Variants in MTRFR observed in about 807,000 individuals in gnomAD.
The protein encoded by MTRFR is mitochondrial translation release factor in rescue.
MTRFR carries 10 observed loss-of-function variants against 11.9 expected under a neutral mutation model. The observed-to-expected ratio is 0.84, with a 90% CI of 0.52 to 1.42. MTRFR has a LOEUF of 1.42. Among genes scored for constraint, MTRFR ranks in the 40% most tolerant of loss-of-function variants. MTRFR has a pLI of 0.00. For synonymous variants in MTRFR, 77 were observed against 79.1 expected (o/e 0.97, Z 0.14); for missense variants, 196 against 197.9 (o/e 0.99, Z 0.06).
At chr12:123,238,834 A>G (rs1344769057) in intron 1 of MTRFR, among the ~76,000 whole-genome samples, 1 of 152,090 alleles carries the variant, frequency 6.6e-6, no homozygotes, top group Non-Finnish European at 1.5e-5. Flanking sequence ...TGTGGACCAC[A>G]CTTTGGGTAG....
chr12:123,244,824 G>A (rs1238907195), intron 1 of MTRFR, among the ~76,000 whole-genome samples: 1 of 151,420 alleles, frequency 6.6e-6, no homozygotes, highest in African/African-American at 2.4e-5. Flanking sequence ...GTAGAGATGG[G>A]GTTTCACCAT....
chr12:123,234,837 G>T (rs1421339550), intron 1 of MTRFR, among the ~76,000 whole-genome samples: 1 of 152,178 alleles, frequency 6.6e-6, no homozygotes, highest in African/African-American at 2.4e-5. Flanking sequence ...AACCTGCTGG[G>T]AAGTCAGGCT....
chr12:123,249,857 A>G (rs2048092615), intron 1 of MTRFR: 1 of 152,258 alleles, frequency 6.6e-6, no homozygotes, highest in Non-Finnish European at 1.5e-5. Flanking sequence ...ATATGCCTAG[A>G]TGAAGATCTT....
chr12:123,253,247 C>A (rs1456920139), intron 1 of MTRFR: 1 of 242,330 alleles, frequency 4.1e-6, no homozygotes, highest in Non-Finnish European at 8.2e-6. Context: ...ATCATCTTGG[C>A]CAGGCTGGTC....
chr12:123,253,107 T>TTTG (rs766114484), intron 1 of MTRFR, among the ~76,000 whole-genome samples: 2,994 of 63,260 alleles, frequency 0.047, 1,078 homozygotes, highest in East Asian at 0.11. Flanking sequence ...TTTTTTTTTT[T>TTTG]GAGACACTGT....
intron 1 of MTRFR, among the ~76,000 whole-genome samples, chr12:123,247,085 T>C (rs2048053486): frequency 1.3e-5 from 2 of 152,184 alleles, no homozygotes; most frequent in East Asian, 3.9e-4. Flanking sequence ...ATATGATCTC[T>C]CTTGGAGAAA....
intron 1 of MTRFR, chr12:123,248,536 C>T (rs2048071823): frequency 6.6e-6 from 1 of 152,556 alleles, no homozygotes; most frequent in Non-Finnish European, 1.5e-5. Flanking sequence ...TTCAGATGTT[C>T]AGATGCATCC....
rs1157677577 is a variant in MTRFR at position 123,246,709 on chromosome 12, A to ATTTTTTTTTTTT, written c.-28-6910_-28-6899dup. On this transcript the variant is annotated intron_variant, in intron 1 of 2. Coordinates refer to ENST00000253233, the MANE Select transcript of MTRFR (RefSeq NM_152269.5). ...TGAGAGAGTGCTTGATATAATTTCAATTTTTTTTTTTTTTTTTTTTTTTTT... is the reference window on the plus strand; with the variant it reads ...TGAGAGAGTGCTTGATATAATTTCAATTTTTTTTTTTTTTTTTTTTTTTTTTTTTTTTTTTTT... 5.6e-5 allele frequency among the ~76,000 whole-genome samples: 3 copies of ATTTTTTTTTTTT among 53,516 alleles called. 1 individual carries two copies. Among genetic ancestry groups the ATTTTTTTTTTTT allele is most frequent in the African/African-American group, 2.8e-4 (3 of 10,668 alleles). The allele number at this position is 53,516 out of a possible 152,430, so 35.1% of individuals were successfully genotyped here.
upstream of MTRFR, chr12:123,233,182 C>T (rs1436016308): frequency 6.6e-6 from 1 of 152,070 alleles, no homozygotes; most frequent in Admixed American, 6.6e-5. Flanking sequence ...ATTGGCTGCC[C>T]GGAAGGAGGC....
At chr12:123,240,227 A>T (rs1249350052) in intron 1 of MTRFR, among the ~76,000 whole-genome samples, 6 of 124,720 alleles carry the variant, frequency 4.8e-5, no homozygotes, top group South Asian at 2.7e-4. Flanking sequence ...AAAAAAAAAA[A>T]GCTGGACGTG....
intron 1 of MTRFR, chr12:123,248,332 T>TCCTA (rs1167648645): frequency 6.6e-6 from 1 of 152,314 alleles, no homozygotes; most frequent in East Asian, 1.9e-4. Context: ...CTGAGAAATC[T>TCCTA]GCTGTTAATC....
chr12:123,257,866 C>G lies in MTRFR; in HGVS notation c.*835C>G, dbSNP rs1177591285. The G allele has an allele frequency of 6.6e-6, 1 of 152,040 alleles. No homozygotes were observed. Among genetic ancestry groups the G allele is most frequent in the Non-Finnish European group, 1.5e-5 (1 of 68,002 alleles). 9.4% of individuals were successfully genotyped at this position (152,040 alleles called of 1,614,324 possible). A position where few individuals can be genotyped will look rare whatever the true frequency, so the allele number is the denominator to read the frequency against. On this transcript the variant is annotated 3_prime_UTR_variant, in exon 3 of 3. Coordinates refer to ENST00000253233, the MANE Select transcript of MTRFR (RefSeq NM_152269.5). ...CCTGGGTGGTAGTTAGAAGGGTGTCCCCGTATTTCAAATTGTACCTTTGTG... is the reference window on the plus strand; with the variant it reads ...CCTGGGTGGTAGTTAGAAGGGTGTCGCCGTATTTCAAATTGTACCTTTGTG...
chr12:123,236,089 A>G (rs920163551), intron 1 of MTRFR, among the ~76,000 whole-genome samples: 1 of 152,008 alleles, frequency 6.6e-6, no homozygotes, highest in African/African-American at 2.4e-5. Context: ...AAAAACTTAA[A>G]ACAGAAAAAG....
At chr12:123,244,959 T>C (rs1229830428) in intron 1 of MTRFR, among the ~76,000 whole-genome samples, 16 of 96,326 alleles carry the variant, frequency 1.7e-4, no homozygotes, top group African/African-American at 4.6e-4. Flanking sequence ...TTTTTTTTTT[T>C]TAGACAGAGT....
intron 1 of MTRFR, among the ~76,000 whole-genome samples, chr12:123,243,235 AT>A (rs35389455): frequency 1.5e-3 from 229 of 147,802 alleles, no homozygotes; most frequent in African/African-American, 3.5e-3. Flanking sequence ...TTTTAAAACA[AT>A]TTTTTTTTTT....
chr12:123,249,993 T>G (rs1653922246), intron 1 of MTRFR: 1 of 152,238 alleles, frequency 6.6e-6, no homozygotes, highest in Admixed American at 6.5e-5. Context: ...TAGATTTCTC[T>G]TCTTCCTCAG....
chr12:123,235,474 C>A (rs1027502418), intron 1 of MTRFR, among the ~76,000 whole-genome samples: 1 of 151,972 alleles, frequency 6.6e-6, no homozygotes, highest in African/African-American at 2.4e-5. Flanking sequence ...ACGCCATTCT[C>A]CTGCCTTAGC....
At chr12:123,255,162 G>C (rs1353625381) in intron 2 of MTRFR, 3 of 152,202 alleles carry the variant, frequency 2.0e-5, no homozygotes, top group African/African-American at 7.2e-5. Flanking sequence ...TTCCATCACA[G>C]TACAGGTGTG....
At chr12:123,250,215 T>A (rs1290608598) in intron 1 of MTRFR, 1 of 152,194 alleles carries the variant, frequency 6.6e-6, no homozygotes, top group East Asian at 1.9e-4. Flanking sequence ...GTCCAAAGTT[T>A]CCTGAATTTT....
Sources: allele counts gnomAD v4.1 joint callset (sites outside exome capture counted in the v4.1 genomes callset), GRCh38; gene constraint gnomAD v4.1.1; transcripts MANE v1.5; gene names NCBI Gene and HGNC (gene_info 2026-07-23, HGNC 2026-07-21).